FBXO3: variants seen among roughly 807,000 people sequenced by gnomAD.
FBXO3 encodes the protein F-box protein 3, also known as F-box only protein 3.
FBXO3 carries 17 observed loss-of-function variants against 64.8 expected under a neutral mutation model. The observed-to-expected ratio is 0.26, with a 90% CI of 0.18 to 0.39. FBXO3 has a LOEUF of 0.39. Among genes scored for constraint, FBXO3 ranks in the 10% least tolerant of loss-of-function variants. FBXO3 has a pLI of 1.00. For missense variants in FBXO3, 420 were observed against 589.9 expected, an observed-to-expected ratio of 0.71 and a Z score of 2.98; for synonymous variants, 182 against 201.6, an observed-to-expected ratio of 0.90 and a Z score of 0.82.
intron 3 of FBXO3, 90 bp downstream of exon 3, chr11:33,768,761 C>T (rs750128654): frequency 7.5e-6 from 11 of 1,469,110 alleles, no homozygotes; most frequent in Admixed American, 5.0e-5. Context: ...AACACAGTTG[C>T]GTAGATGACA....
intron 3 of FBXO3, among the ~76,000 whole-genome samples, chr11:33,767,972 G>T (rs1439743680): frequency 1.3e-5 from 2 of 152,188 alleles, no homozygotes; most frequent in South Asian, 4.1e-4. Flanking sequence ...ACCTCGTCAT[G>T]CAACCGTGAT....
In FBXO3 at chr11:33,741,400, C is replaced by T. The variant is rs754475779; in HGVS notation, c.*508G>A. Reference sequence around the variant, plus strand: ...AGATTGTCTAAGGACAAACCACTAGCGTTCAAGTTGTTTAGTCAATTAGTT... The same window carrying T: ...AGATTGTCTAAGGACAAACCACTAGTGTTCAAGTTGTTTAGTCAATTAGTT... On this transcript the variant is annotated 3_prime_UTR_variant, in exon 11 of 11. Transcript: ENST00000265651. 6.6e-6 allele frequency: 1 copy of T among 152,630 alleles called. No homozygotes were observed. Among genetic ancestry groups the T allele is most frequent in the African/African-American group, 2.4e-5 (1 of 41,430 alleles). 9.5% of individuals were successfully genotyped at this position (152,630 alleles called of 1,614,324 possible). A position where few individuals can be genotyped will look rare whatever the true frequency, so the allele number is the denominator to read the frequency against.
intron 10 of FBXO3, chr11:33,742,293 A>AT (rs1564984072): frequency 1.9e-5 from 7 of 375,412 alleles, no homozygotes; most frequent in Admixed American, 4.6e-5. Flanking sequence ...GCTCAGTGTG[A>AT]TTTTTTTGTT....
chr11:33,765,315 A>G, intron 3 of FBXO3, among the ~76,000 whole-genome samples: 1 of 152,370 alleles, frequency 6.6e-6, no homozygotes, highest in Non-Finnish European at 1.5e-5. Context: ...TTTTAAAAAA[A>G]GAGAAATTTT....
At chr11:33,757,523 A>AG (rs200836813) in intron 4 of FBXO3, among the ~76,000 whole-genome samples, 3,478 of 146,582 alleles carry the variant, frequency 0.024, 73 homozygotes, top group Non-Finnish European at 0.039. Context: ...CTTAAAAAAA[A>AG]AAAAAAAAAG....
intron 2 of FBXO3, among the ~76,000 whole-genome samples, chr11:33,770,525 T>C (rs1855485586): frequency 6.6e-6 from 1 of 152,194 alleles, no homozygotes. Flanking sequence ...ATAGTCACTA[T>C]AAACGGCAAC....
intron 10 of FBXO3, chr11:33,745,634 G>A (rs535439082): frequency 8.5e-5 from 13 of 152,182 alleles, no homozygotes; most frequent in Admixed American, 2.0e-4. Flanking sequence ...TGAACTACGC[G>A]TTCATGAAAA....
At chr11:33,744,047 TAAC>T (rs1854752000) in intron 10 of FBXO3, 1 of 152,128 alleles carries the variant, frequency 6.6e-6, no homozygotes, top group Non-Finnish European at 1.5e-5. Context: ...ATTATAACAC[TAAC>T]AACAATAACA....
intron 3 of FBXO3, among the ~76,000 whole-genome samples, chr11:33,768,342 T>C (rs1015628098): frequency 2.0e-5 from 3 of 152,228 alleles, no homozygotes; most frequent in African/African-American, 7.2e-5. Flanking sequence ...ATCTTAGTTC[T>C]ACTATTTTGC....
chr11:33,774,489 G>C lies in FBXO3; in HGVS notation c.9C>G (p.Ala3=). 6.4e-7 allele frequency: 1 copy of C among 1,566,880 alleles called. No homozygotes were observed. The highest frequency in any genetic ancestry group is 8.6e-7 in the Non-Finnish European group (1 of 1,157,598). ...TCAGCGGCGCCGTCTCGGTCTCCATGGCCGCCATCTTGCCTGGCCCGGTGC... is the reference window on the plus strand; with the variant it reads ...TCAGCGGCGCCGTCTCGGTCTCCATCGCCGCCATCTTGCCTGGCCCGGTGC... MA[A]METETAPLTL... is the part of the protein sequence containing the mutation. Residue 3 remains alanine, a synonymous_variant, in exon 1 of 11, where the codon GCC becomes GCG. Coordinates refer to ENST00000265651, the MANE Select transcript of FBXO3 (RefSeq NM_012175.4).
rs141518789 is a variant in FBXO3 at position 33,762,325 on chromosome 11, C to T, written c.359-3724G>A. ...TAATTATATATACAGTATTGAACTCCGTAACTGCAGAAAATACATTGTTTT... is the reference window on the plus strand; with the variant it reads ...TAATTATATATACAGTATTGAACTCTGTAACTGCAGAAAATACATTGTTTT... On this transcript the variant is annotated intron_variant, in intron 3 of 10. Coordinates refer to ENST00000265651, the MANE Select transcript of FBXO3 (RefSeq NM_012175.4). Among the ~76,000 whole-genome samples the T allele has an allele frequency of 4.9e-3, 752 of 152,184 alleles. 3 individuals carry two copies. Among genetic ancestry groups the T allele is most frequent in the African/African-American group, 0.017 (708 of 41,518 alleles).
intron 8 of FBXO3, among the ~76,000 whole-genome samples, chr11:33,749,169 G>A (rs924993168): frequency 6.6e-6 from 1 of 152,120 alleles, no homozygotes; most frequent in African/African-American, 2.4e-5. Context: ...GCAACATAAT[G>A]GTGACAACAA....
At chr11:33,747,070 A>G in intron 10 of FBXO3, 60 bp downstream of exon 10, 2 of 1,585,816 alleles carry the variant, frequency 1.3e-6, no homozygotes, top group African/African-American at 2.7e-5. Flanking sequence ...TGCCTGGCTT[A>G]TCTGCAGTGT....
chr11:33,750,142 A>C (rs1854918156), intron 8 of FBXO3, among the ~76,000 whole-genome samples: 1 of 150,352 alleles, frequency 6.7e-6, no homozygotes, highest in African/African-American at 2.4e-5. Flanking sequence ...ACATCCATGA[A>C]GCACTCAATA....
chr11:33,741,690 G>A lies in FBXO3; in HGVS notation c.*218C>T, dbSNP rs1305810735. On this transcript the variant is annotated 3_prime_UTR_variant, in exon 11 of 11. Coordinates refer to ENST00000265651, the MANE Select transcript of FBXO3 (RefSeq NM_012175.4). ...TATTCTTCCACTGACTCCTGGAAGAGAAAAAAAAGATTCCCATTTCTTCCT... is the reference window on the plus strand; with the variant it reads ...TATTCTTCCACTGACTCCTGGAAGAAAAAAAAAAGATTCCCATTTCTTCCT... The A allele has an allele frequency of 2.6e-6, 1 of 379,710 alleles. No homozygotes were observed. The highest frequency in any genetic ancestry group is 4.0e-5 in the East Asian group (1 of 24,904). 23.5% of individuals were successfully genotyped at this position (379,710 alleles called of 1,614,324 possible). A position where few individuals can be genotyped will look rare whatever the true frequency, so the allele number is the denominator to read the frequency against.
At chr11:33,745,975 G>A (rs1854804768) in intron 10 of FBXO3, 1 of 152,008 alleles carries the variant, frequency 6.6e-6, no homozygotes, top group Admixed American at 6.6e-5. Flanking sequence ...AGGATATCAA[G>A]GGAATACTGT....
intron 4 of FBXO3, among the ~76,000 whole-genome samples, chr11:33,756,338 G>A (rs1855096186): frequency 6.6e-6 from 1 of 152,174 alleles, no homozygotes; most frequent in South Asian, 2.1e-4. Flanking sequence ...ATTCTCTGAT[G>A]CTGTTATCTT....
At chr11:33,770,639 G>A in intron 2 of FBXO3, 102 bp downstream of exon 2, 1 of 826,012 alleles carries the variant, frequency 1.2e-6, no homozygotes, top group Non-Finnish European at 2.0e-6. Flanking sequence ...GCCACCAAAG[G>A]AGATAAAGAG....
intron 1 of FBXO3, chr11:33,772,063 T>C (rs1467216497): frequency 6.6e-6 from 1 of 152,164 alleles, no homozygotes; most frequent in Admixed American, 6.5e-5. Context: ...GTGGCATTTA[T>C]TCACTCCATT....
Sources: allele counts gnomAD v4.1 joint callset (sites outside exome capture counted in the v4.1 genomes callset), GRCh38; gene constraint gnomAD v4.1.1; transcripts MANE v1.5; gene names NCBI Gene and HGNC (gene_info 2026-07-23, HGNC 2026-07-21).